Variants in NAV2 observed in about 807,000 individuals in gnomAD.
NAV2 encodes the protein helicase, APC down-regulated 1.
A neutral mutation model predicts 223.2 loss-of-function variants in NAV2; 54 were observed. That is an observed-to-expected ratio of 0.24 (90% CI 0.19 to 0.30). The LOEUF (loss-of-function observed/expected upper bound fraction) is 0.30. Among genes scored for constraint, NAV2 ranks in the 10% least tolerant of loss-of-function variants. The probability of loss-of-function intolerance (pLI) is 1.00; values close to 1 mark genes in which losing one functional copy is unlikely to be tolerated. For missense variants in NAV2, 2,806 were observed against 3,147.5 expected (o/e 0.89, Z 2.60); for synonymous variants, 1,279 against 1,239.3 (o/e 1.03, Z -0.67).
At chr11:19,511,092 C>T (rs2043265011) in intron 1 of NAV2, 1 of 152,176 alleles carries the variant, frequency 6.6e-6, no homozygotes. Flanking sequence ...TCAAGGGACT[C>T]ATCAGGATCA....
intron 34 of NAV2, among the ~76,000 whole-genome samples, chr11:20,104,006 C>A (rs1276706458): frequency 6.6e-6 from 1 of 152,224 alleles, no homozygotes; most frequent in East Asian, 1.9e-4. Context: ...GTCTCTGCCT[C>A]TGAGTCTTGC....
intron 1 of NAV2, among the ~76,000 whole-genome samples, chr11:19,718,148 C>T (rs908599241): frequency 6.6e-6 from 1 of 151,710 alleles, no homozygotes; most frequent in Non-Finnish European, 1.5e-5. Context: ...GTGCCTTCCC[C>T]CAAGTATGAA....
intron 1 of NAV2, among the ~76,000 whole-genome samples, chr11:19,705,088 G>GAAATAAAT (rs10646001): frequency 0.12 from 17,900 of 147,742 alleles, 1,724 homozygotes; most frequent in African/African-American, 0.26. Context: ...TCAATTCGTA[G>GAAATAAAT]AAATAAATAA....
chr11:19,618,509 GAT>G (rs2046880777), intron 1 of NAV2, among the ~76,000 whole-genome samples: 2 of 151,470 alleles, frequency 1.3e-5, no homozygotes, highest in Non-Finnish European at 3.0e-5. Context: ...TGGATGGATG[GAT>G]GGATGGATGG....
intron 1 of NAV2, among the ~76,000 whole-genome samples, chr11:19,373,921 G>GC (rs1848554655): frequency 6.6e-6 from 1 of 152,022 alleles, no homozygotes; most frequent in Non-Finnish European, 1.5e-5. Context: ...CATATCACCT[G>GC]CTTTTTTCCC....
intron 1 of NAV2, among the ~76,000 whole-genome samples, chr11:19,361,047 A>G (rs1437862241): frequency 6.6e-6 from 1 of 152,062 alleles, no homozygotes; most frequent in East Asian, 1.9e-4. Flanking sequence ...AAGTCCTGGG[A>G]AAAAGTCCAG....
chr11:19,519,517 C>A (rs529576103), intron 1 of NAV2, among the ~76,000 whole-genome samples: 36 of 152,272 alleles, frequency 2.4e-4, no homozygotes, highest in African/African-American at 8.2e-4. Context: ...GGGTTTGAAC[C>A]CTGATGATGT....
At chr11:19,488,417 T>C (rs772942598) in intron 1 of NAV2, among the ~76,000 whole-genome samples, 6 of 152,214 alleles carry the variant, frequency 3.9e-5, no homozygotes, top group Non-Finnish European at 8.8e-5. Flanking sequence ...AGTATTCTCA[T>C]TGAGAACAAC....
intron 1 of NAV2, among the ~76,000 whole-genome samples, chr11:19,825,938 T>C (rs945576809): frequency 6.6e-6 from 1 of 152,168 alleles, no homozygotes; most frequent in African/African-American, 2.4e-5. Flanking sequence ...TCCTTCCCCT[T>C]TTATCTTGTC....
intron 1 of NAV2, among the ~76,000 whole-genome samples, chr11:19,424,381 G>T (rs979695553): frequency 6.6e-6 from 1 of 152,192 alleles, no homozygotes; most frequent in Non-Finnish European, 1.5e-5. Flanking sequence ...GGGCTGAAAT[G>T]CTGTCAGAGA....
chr11:20,085,338 C>G (rs1867122), intron 26 of NAV2, among the ~76,000 whole-genome samples: 124,449 of 152,192 alleles, frequency 0.82, 51,064 homozygotes, highest in East Asian at 0.95. Flanking sequence ...TAAAGTACAA[C>G]ACAAAGTTCC....
intron 17 of NAV2, among the ~76,000 whole-genome samples, chr11:20,053,426 A>G (rs2058154109): frequency 6.6e-6 from 1 of 152,178 alleles, no homozygotes; most frequent in Non-Finnish European, 1.5e-5. Context: ...GATAATGCAC[A>G]TGAAGGCACC....
intron 1 of NAV2, among the ~76,000 whole-genome samples, chr11:19,786,238 A>G (rs1447579808): frequency 2.0e-5 from 3 of 152,156 alleles, no homozygotes; most frequent in African/African-American, 7.2e-5. Flanking sequence ...TAAGCCTATT[A>G]TGTCTTCACA....
At chr11:19,834,378 T>C (rs1212127289) in intron 2 of NAV2, among the ~76,000 whole-genome samples, 2 of 152,204 alleles carry the variant, frequency 1.3e-5, no homozygotes, top group African/African-American at 4.8e-5. Flanking sequence ...AAAGCTTCTG[T>C]TCTTTGCTCT....
At chr11:19,539,947 T>G (rs2044296168) in intron 1 of NAV2, among the ~76,000 whole-genome samples, 1 of 152,158 alleles carries the variant, frequency 6.6e-6, no homozygotes, top group South Asian at 2.1e-4. Flanking sequence ...TTGGGCTCTG[T>G]TTCTGTCCCG....
chr11:19,628,840 A>G (rs901849816), intron 1 of NAV2, among the ~76,000 whole-genome samples: 1 of 152,176 alleles, frequency 6.6e-6, no homozygotes, highest in Non-Finnish European at 1.5e-5. Flanking sequence ...GATTACCATC[A>G]TATCCAAATA....
At chr11:19,774,777 G>A (rs2056012996) in intron 1 of NAV2, among the ~76,000 whole-genome samples, 1 of 152,114 alleles carries the variant, frequency 6.6e-6, no homozygotes, top group Non-Finnish European at 1.5e-5. Context: ...AAAGGTCACA[G>A]GCTTTATTCT....
chr11:20,058,568 A>G (rs2058505278), intron 19 of NAV2, among the ~76,000 whole-genome samples: 1 of 152,230 alleles, frequency 6.6e-6, no homozygotes, highest in African/African-American at 2.4e-5. Flanking sequence ...AGTGAAAAAC[A>G]CAGAAACCCT....
chr11:19,713,364 C>T lies in NAV2; in HGVS notation c.-332C>T, dbSNP rs1431168635. The T allele has an allele frequency of 3.1e-5, 36 of 1,160,274 alleles. No individual in the cohort carries two copies. The highest frequency in any genetic ancestry group is 3.8e-5 in the Non-Finnish European group (36 of 943,528). The allele number at this position is 1,160,274 out of a possible 1,614,324, so 71.9% of individuals were successfully genotyped here. A position where few individuals can be genotyped will look rare whatever the true frequency, so the allele number is the denominator to read the frequency against. On this transcript the variant is annotated 5_prime_UTR_variant, in exon 1 of 38. Transcript: ENST00000349880. The surrounding 1 kb of genome is among the most constrained non-coding windows in gnomAD (Gnocchi z 7.2). Reference sequence around the variant, plus strand: ...ATATGGGCGTCCAAGCCTCTGTTTCCCAGGAGGAAATTTGCAAGAGGCGGC... The same window carrying T: ...ATATGGGCGTCCAAGCCTCTGTTTCTCAGGAGGAAATTTGCAAGAGGCGGC...
Sources: allele counts gnomAD v4.1 joint callset (sites outside exome capture counted in the v4.1 genomes callset), GRCh38; gene constraint gnomAD v4.1.1; non-coding constraint Gnocchi (gnomAD v3.1); transcripts MANE v1.5; gene names NCBI Gene and HGNC (gene_info 2026-07-23, HGNC 2026-07-21).